GABRB1: variants seen among roughly 807,000 people sequenced by gnomAD.
GABRB1 encodes gamma-aminobutyric acid receptor subunit beta-1.
Under a neutral mutation model 51.6 loss-of-function variants are expected in GABRB1, and 17 were observed. The ratio of observed to expected loss-of-function variants is 0.33; its 90% confidence interval spans 0.23 to 0.49. The LOEUF is 0.49. GABRB1 is among the 20% of genes least tolerant of loss of function. The pLI is 0.99. For synonymous variants in GABRB1, 247 were observed against 218.9 expected (o/e 1.13, Z -1.14); for missense variants, 410 against 600.6 (o/e 0.68, Z 3.32).
At chr4:47,365,728 T>A (rs1253227297) in intron 5 of GABRB1, among the ~76,000 whole-genome samples, 2 of 152,162 alleles carry the variant, frequency 1.3e-5, no homozygotes, top group East Asian at 3.9e-4. Context: ...TGTATTTCGC[T>A]CATCGCCATG....
intron 5 of GABRB1, among the ~76,000 whole-genome samples, chr4:47,389,567 G>C (rs1240125776): frequency 2.0e-5 from 3 of 152,174 alleles, no homozygotes; most frequent in Non-Finnish European, 4.4e-5. Context: ...ATGGGTTGTT[G>C]CATTTTGCCT....
At chr4:47,357,140 A>T (rs1201652190) in intron 5 of GABRB1, among the ~76,000 whole-genome samples, 1 of 152,232 alleles carries the variant, frequency 6.6e-6, no homozygotes, top group African/African-American at 2.4e-5. Context: ...AGTCATAATT[A>T]AATATTTTCA....
chr4:47,329,730 A>G (rs968900807), intron 5 of GABRB1, among the ~76,000 whole-genome samples: 8 of 149,316 alleles, frequency 5.4e-5, no homozygotes, highest in South Asian at 2.1e-4. Flanking sequence ...ATAGCTATCA[A>G]TACCACTACA....
At chr4:47,377,772 C>T (rs1026076072) in intron 5 of GABRB1, among the ~76,000 whole-genome samples, 1 of 152,050 alleles carries the variant, frequency 6.6e-6, no homozygotes, top group African/African-American at 2.4e-5. Context: ...AGTGTCTACA[C>T]AAAGGTTCTC....
chr4:47,310,764 G>A (rs1321945148), intron 4 of GABRB1, among the ~76,000 whole-genome samples: 2 of 152,102 alleles, frequency 1.3e-5, no homozygotes, highest in Non-Finnish European at 2.9e-5. Flanking sequence ...TAATGCACGT[G>A]TGGTAAAATA....
intron 4 of GABRB1, among the ~76,000 whole-genome samples, chr4:47,302,416 C>T (rs28595697): frequency 0.58 from 87,601 of 151,666 alleles, 25,373 homozygotes; most frequent in East Asian, 0.69. Context: ...ATAAGTTCGG[C>T]ATATTTCTGA....
chr4:47,110,879 C>T (rs901086488), intron 3 of GABRB1, among the ~76,000 whole-genome samples: 49 of 152,084 alleles, frequency 3.2e-4, no homozygotes, highest in Non-Finnish European at 5.3e-4. Context: ...TGAGATCTCA[C>T]CATATGCCAG....
At chr4:47,057,864 C>A (rs1318809779) in intron 3 of GABRB1, among the ~76,000 whole-genome samples, 3 of 152,084 alleles carry the variant, frequency 2.0e-5, no homozygotes, top group African/African-American at 7.2e-5. Flanking sequence ...ACAAGTATAC[C>A]ACCTCACAAA....
rs111359296 is a variant in GABRB1, at chr4:47,426,194, C to CAAAA, written c.*183_*186dup. 1 of 444,566 alleles carries CAAAA rather than the reference C, an allele frequency of 2.2e-6. No individual in the cohort carries two copies. The highest frequency in any genetic ancestry group is 4.2e-5 in the Admixed American group (1 of 23,984). The allele number at this position is 444,566 out of a possible 1,614,324, so 27.5% of individuals were successfully genotyped here. ...CCATGTTTACTTCAAAAAGACAAAA[C>CAAAA]AAAAAAAAAATTATTTTTCCAGTCT... On this transcript the variant is annotated 3_prime_UTR_variant, in exon 9 of 9. Coordinates refer to ENST00000295454, the MANE Select transcript of GABRB1 (RefSeq NM_000812.4).
chr4:47,116,846 A>G (rs901457843), intron 3 of GABRB1, among the ~76,000 whole-genome samples: 2 of 152,122 alleles, frequency 1.3e-5, no homozygotes, highest in Admixed American at 6.5e-5. Context: ...GGCTTCAGGG[A>G]AACTTACAAT....
intron 3 of GABRB1, among the ~76,000 whole-genome samples, chr4:47,053,736 G>A (rs1363039394): frequency 6.6e-6 from 1 of 152,196 alleles, no homozygotes; most frequent in Non-Finnish European, 1.5e-5. Flanking sequence ...CGAGCTGAGA[G>A]ATTTCAGCCA....
intron 4 of GABRB1, among the ~76,000 whole-genome samples, chr4:47,172,745 G>C (rs930408822): frequency 1.4e-5 from 2 of 140,070 alleles, no homozygotes; most frequent in South Asian, 2.3e-4. Flanking sequence ...AGGTTCAAAC[G>C]AGTATCCTAC....
chr4:47,229,457 G>C (rs1721062101), intron 4 of GABRB1, among the ~76,000 whole-genome samples: 1 of 152,122 alleles, frequency 6.6e-6, no homozygotes, highest in Non-Finnish European at 1.5e-5. Flanking sequence ...TTCCTAGTAA[G>C]AAAACGAGTG....
intron 5 of GABRB1, among the ~76,000 whole-genome samples, chr4:47,344,520 G>A (rs1340950334): frequency 6.6e-6 from 1 of 152,176 alleles, no homozygotes; most frequent in African/African-American, 2.4e-5. Flanking sequence ...AGAAAGTCAT[G>A]TATAACTAGG....
chr4:47,339,528 T>C (rs993239803), intron 5 of GABRB1, among the ~76,000 whole-genome samples: 4 of 140,330 alleles, frequency 2.9e-5, no homozygotes, highest in African/African-American at 1.1e-4. Flanking sequence ...TATTTATGTG[T>C]GTATGTGTGC....
chr4:47,046,921 C>G (rs1220777483), intron 3 of GABRB1, among the ~76,000 whole-genome samples: 1 of 151,998 alleles, frequency 6.6e-6, no homozygotes, highest in Non-Finnish European at 1.5e-5. Flanking sequence ...TGTTTTCAGT[C>G]ATAAGTGCCA....
intron 3 of GABRB1, among the ~76,000 whole-genome samples, chr4:47,073,803 G>C (rs904533069): frequency 1.2e-4 from 18 of 152,158 alleles, no homozygotes; most frequent in African/African-American, 3.6e-4. Context: ...ATGCCACAGA[G>C]ATGGGAAACC....
intron 3 of GABRB1, among the ~76,000 whole-genome samples, chr4:47,045,389 T>C (rs1290529267): frequency 6.6e-6 from 1 of 152,074 alleles, no homozygotes; most frequent in East Asian, 1.9e-4. Context: ...TCCCTGACCC[T>C]GAGTAGGTAC....
At chr4:47,017,090 T>G (rs984218955) in intron 1 of GABRB1, among the ~76,000 whole-genome samples, 1 of 152,208 alleles carries the variant, frequency 6.6e-6, no homozygotes, top group Non-Finnish European at 1.5e-5. Context: ...AATAAGGTAT[T>G]TAGAAAGAGA....
Sources: gnomAD v4.1 joint callset for allele counts (sites outside exome capture counted in the v4.1 genomes callset) on GRCh38, gnomAD v4.1.1 for gene constraint, MANE v1.5 for transcripts, NCBI Gene and HGNC (gene_info 2026-07-23, HGNC 2026-07-21) for gene names.